SPOCK3: variants seen among roughly 807,000 people sequenced by gnomAD.
The protein encoded by SPOCK3 is SPARC (osteonectin), cwcv and kazal like domains proteoglycan 3.
A neutral mutation model predicts 56.6 loss-of-function variants in SPOCK3; 30 were observed. That is an observed-to-expected ratio of 0.53 (90% CI 0.40 to 0.72). The LOEUF (loss-of-function observed/expected upper bound fraction) is 0.72, where lower values mean the gene tolerates loss of function less well. Ranked by LOEUF, SPOCK3 falls within the 30% of genes least tolerant of loss-of-function variation. The pLI is 0.00. For missense variants in SPOCK3, 527 were observed against 530.0 expected (o/e 0.99, Z 0.06); for synonymous variants, 196 against 183.3 (o/e 1.07, Z -0.56).
chr4:167,109,404 TATAAATATATATATAAATATATATATG>T (rs1227696050), intron 2 of SPOCK3, among the ~76,000 whole-genome samples: 1 of 79,152 alleles, frequency 1.3e-5, no homozygotes, highest in Non-Finnish European at 2.3e-5. Flanking sequence ...TATATTTATA[TATAAATATATATATAAATATATATATG>T]ATAAATATAT....
chr4:167,110,668 T>C (rs1190328549), intron 2 of SPOCK3, among the ~76,000 whole-genome samples: 1 of 152,038 alleles, frequency 6.6e-6, no homozygotes, highest in Non-Finnish European at 1.5e-5. Context: ...ACCCCTATTA[T>C]GAGTAAGGAA....
At chr4:166,824,094 A>T (rs1436418371) in intron 6 of SPOCK3, among the ~76,000 whole-genome samples, 1 of 151,860 alleles carries the variant, frequency 6.6e-6, no homozygotes, top group Non-Finnish European at 1.5e-5. Context: ...GCGCCTCTAC[A>T]TTGATTTCCC....
At chr4:166,755,604 C>T (rs893312193) in intron 7 of SPOCK3, among the ~76,000 whole-genome samples, 1 of 152,036 alleles carries the variant, frequency 6.6e-6, no homozygotes, top group African/African-American at 2.4e-5. Flanking sequence ...CTTTTCTACT[C>T]ATTACAAGTG....
chr4:167,111,762 C>CTT (rs3082401), intron 2 of SPOCK3, among the ~76,000 whole-genome samples: 22,762 of 145,704 alleles, frequency 0.16, 1,993 homozygotes, highest in Middle Eastern at 0.21. Context: ...AAAAGTAGCA[C>CTT]TTTTTTTTTT....
At chr4:166,813,715 T>TTGCATATTATGAAAAAAAC (rs1485460594) in intron 6 of SPOCK3, among the ~76,000 whole-genome samples, 1 of 151,860 alleles carries the variant, frequency 6.6e-6, no homozygotes, top group Non-Finnish European at 1.5e-5. Context: ...TTTATGGAAA[T>TTGCATATTATGAAAAAAAC]TGCATATTAT....
intron 2 of SPOCK3, among the ~76,000 whole-genome samples, chr4:167,075,715 C>T (rs1320006971): frequency 2.0e-5 from 3 of 151,916 alleles, no homozygotes; most frequent in Admixed American, 6.6e-5. Flanking sequence ...GACCACAGCT[C>T]CCTGCAACCT....
rs531887295 is a variant in SPOCK3 at position 167,062,022 on chromosome 4, T to G, written c.235+470A>C. Among the ~76,000 whole-genome samples, 3 of 151,924 alleles carry G rather than the reference T, an allele frequency of 2.0e-5. No homozygotes were observed. In the East Asian group the frequency reaches 5.8e-4, roughly 29 times the overall value. On this transcript the variant is annotated intron_variant, in intron 3 of 10. Coordinates refer to ENST00000357545, the MANE Select transcript of SPOCK3 (RefSeq NM_001040159.2). ...TGAAAGGAGGTGGGGAAGCCCTAAT[T>G]TTGTATAACACGTTTCCTTTTGGGG... is the stretch of plus-strand genomic sequence containing the variant.
intron 4 of SPOCK3, among the ~76,000 whole-genome samples, chr4:166,970,292 A>T (rs2150072686): frequency 6.6e-6 from 1 of 152,258 alleles, no homozygotes; most frequent in East Asian, 1.9e-4. Context: ...CTAGCTCCTT[A>T]CCTATAATGT....
chr4:166,977,452 C>CTA, intron 4 of SPOCK3, among the ~76,000 whole-genome samples: 1 of 151,746 alleles, frequency 6.6e-6, no homozygotes, highest in Admixed American at 6.6e-5. Flanking sequence ...CAAGAAAGAA[C>CTA]TATTTATGAA....
chr4:166,922,800 A>G (rs1293219404), intron 4 of SPOCK3, among the ~76,000 whole-genome samples: 3 of 152,206 alleles, frequency 2.0e-5, no homozygotes, highest in Admixed American at 6.5e-5. Flanking sequence ...GATATTGCAT[A>G]TAAGTTGAAT....
chr4:167,071,977 G>T (rs1580202419), intron 2 of SPOCK3, among the ~76,000 whole-genome samples: 2 of 152,066 alleles, frequency 1.3e-5, no homozygotes, highest in Admixed American at 1.3e-4. Context: ...AATTTTCATT[G>T]TAACTATAAA....
At chr4:167,093,992 C>A (rs1758931172) in intron 2 of SPOCK3, among the ~76,000 whole-genome samples, 1 of 152,100 alleles carries the variant, frequency 6.6e-6, no homozygotes, top group Non-Finnish European at 1.5e-5. Flanking sequence ...ACTAAGAATT[C>A]TTGGGCTAGA....
At chr4:167,038,545 G>T (rs1346585277) in intron 3 of SPOCK3, among the ~76,000 whole-genome samples, 1 of 151,828 alleles carries the variant, frequency 6.6e-6, no homozygotes, top group East Asian at 1.9e-4. Flanking sequence ...GAGAACAGGG[G>T]CAGGGAGGCT....
chr4:167,116,640 G>GTA lies in SPOCK3; in HGVS notation c.190-54105_190-54104dup, dbSNP rs1212151264. Among the ~76,000 whole-genome samples, 19 of 109,674 alleles carry GTA rather than the reference G, an allele frequency of 1.7e-4. 2 individuals are homozygous for GTA. Among genetic ancestry groups the GTA allele is most frequent in the African/African-American group, 7.0e-4 (19 of 27,086 alleles). 72.0% of individuals were successfully genotyped at this position (109,674 alleles called of 152,430 possible). Reference sequence around the variant, plus strand: ...ATATATATACATATATACTATATACGTATATATATACACATATATACGTAT... The same window carrying GTA: ...ATATATATACATATATACTATATACGTATATATATATACACATATATACGTAT... On this transcript the variant is annotated intron_variant, in intron 2 of 10. Coordinates refer to ENST00000357545, the MANE Select transcript of SPOCK3 (RefSeq NM_001040159.2).
intron 5 of SPOCK3, among the ~76,000 whole-genome samples, chr4:166,899,666 G>T (rs573421168): frequency 6.6e-6 from 1 of 151,796 alleles, no homozygotes; most frequent in Non-Finnish European, 1.5e-5. Context: ...ACAGGCACAC[G>T]CCACCATGCC....
chr4:167,103,733 C>T (rs1759853675), intron 2 of SPOCK3, among the ~76,000 whole-genome samples: 1 of 152,122 alleles, frequency 6.6e-6, no homozygotes, highest in African/African-American at 2.4e-5. Flanking sequence ...GCCCTAGGAC[C>T]TTGAGCAAAC....
At chr4:167,023,195 C>T (rs1402362343) in intron 3 of SPOCK3, among the ~76,000 whole-genome samples, 2 of 151,838 alleles carry the variant, frequency 1.3e-5, no homozygotes, top group Non-Finnish European at 2.9e-5. Flanking sequence ...GCTGAGGTCC[C>T]GATATGGCAC....
At chr4:166,792,148 T>C (rs972834740) in intron 7 of SPOCK3, 22 bp downstream of exon 7, 2 of 1,613,388 alleles carry the variant, frequency 1.2e-6, no homozygotes, top group Non-Finnish European at 1.7e-6. Context: ...ACAGTAGCAA[T>C]GATCAAATTT....
intron 6 of SPOCK3, among the ~76,000 whole-genome samples, chr4:166,818,243 T>TTGTG (rs558950896): frequency 5.3e-5 from 8 of 150,624 alleles, no homozygotes; most frequent in Non-Finnish European, 1.2e-4. Flanking sequence ...TGGTATTCCA[T>TTGTG]TGTGTGTGTG....
Sources: gnomAD v4.1 joint callset for allele counts (sites outside exome capture counted in the v4.1 genomes callset) on GRCh38, gnomAD v4.1.1 for gene constraint, MANE v1.5 for transcripts, NCBI Gene and HGNC (gene_info 2026-07-23, HGNC 2026-07-21) for gene names.